Variants in POC1B observed in about 807,000 individuals in gnomAD.
POC1B encodes the protein POC1 centriolar protein B.
In POC1B, 44 loss-of-function variants were observed where a neutral mutation model predicts 60.6. The observed-to-expected ratio is 0.73, with a 90% CI of 0.57 to 0.93. POC1B has a LOEUF of 0.93. Among genes scored for constraint, POC1B ranks in the 40% least tolerant of loss-of-function variants. POC1B has a pLI of 0.00. For missense variants in POC1B, 555 were observed against 572.3 expected, an observed-to-expected ratio of 0.97 and a Z score of 0.31; for synonymous variants, 180 against 198.9, an observed-to-expected ratio of 0.90 and a Z score of 0.80.
intron 10 of POC1B, among the ~76,000 whole-genome samples, chr12:89,435,947 G>GTT (rs200200273): frequency 6.7e-6 from 1 of 148,198 alleles, no homozygotes; most frequent in Non-Finnish European, 1.5e-5. Flanking sequence ...TTTCTTGTTT[G>GTT]TTTGTTTTTT....
intron 4 of POC1B, among the ~76,000 whole-genome samples, chr12:89,491,636 A>C (rs1868976960): frequency 2.0e-5 from 3 of 149,074 alleles, no homozygotes; most frequent in African/African-American, 7.4e-5. Context: ...AAAAAAAAAA[A>C]AAGAAAAAAA....
chr12:89,476,904 C>T lies in POC1B; in HGVS notation c.453-4629G>A, dbSNP rs370524163. On this transcript the variant is annotated intron_variant, in intron 4 of 11. Transcript: ENST00000313546. The stretch of plus-strand genomic sequence containing the variant: ...ACAGGGCAGGCACTATTTCATGTCC[C>T]GTAAGACACAAATCATTAGTAAGAG... Among the ~76,000 whole-genome samples the T allele has an allele frequency of 6.2e-4, 94 of 152,254 alleles. No individual in the cohort carries two copies. The South Asian group carries it at 8.9e-3, about 14-fold the overall frequency.
chr12:89,497,459 G>T, intron 2 of POC1B, 117 bp from the exon 3 acceptor site: 1 of 1,033,750 alleles, frequency 9.7e-7, no homozygotes, highest in African/African-American at 1.6e-5. Context: ...GCGGCTGGAG[G>T]TTGTAAGGCT....
intron 9 of POC1B, among the ~76,000 whole-genome samples, chr12:89,462,620 C>T (rs575324302): frequency 7.2e-5 from 11 of 152,296 alleles, no homozygotes; most frequent in African/African-American, 2.6e-4. Context: ...GTCCAGCACA[C>T]AGATACTTTA....
chr12:89,475,686 T>G lies in POC1B; in HGVS notation c.453-3411A>C, dbSNP rs187832724. Among the ~76,000 whole-genome samples the G allele has an allele frequency of 5.3e-5, 8 of 152,264 alleles. No individual in the cohort carries two copies. The East Asian group carries it at 1.2e-3, about 22-fold the overall frequency. On this transcript the variant is annotated intron_variant, in intron 4 of 11. Coordinates refer to ENST00000313546, the MANE Select transcript of POC1B (RefSeq NM_172240.3). Reference sequence around the variant, plus strand: ...TTTAAAGAGGATATAAAATTTCTACTAAGACATTAATAGATTTCTGACTCT... The same window carrying G: ...TTTAAAGAGGATATAAAATTTCTACGAAGACATTAATAGATTTCTGACTCT...
intron 4 of POC1B, among the ~76,000 whole-genome samples, chr12:89,487,944 A>G (rs1427340955): frequency 1.6e-5 from 1 of 63,810 alleles, no homozygotes; most frequent in African/African-American, 6.1e-5. Flanking sequence ...ACTATTTAGT[A>G]TCATGTTTCC....
chr12:89,437,054 C>T (rs1223821037), intron 10 of POC1B, among the ~76,000 whole-genome samples: 1 of 152,180 alleles, frequency 6.6e-6, no homozygotes, highest in Non-Finnish European at 1.5e-5. Context: ...GTAAACAGAA[C>T]TTATTGACTC....
intron 8 of POC1B, 26 bp downstream of exon 8, chr12:89,467,591 A>G (rs1271878959): frequency 1.3e-6 from 2 of 1,583,108 alleles, no homozygotes; most frequent in South Asian, 1.1e-5. Flanking sequence ...TAACCAAATC[A>G]AAGAGGAGCT....
intron 9 of POC1B, among the ~76,000 whole-genome samples, chr12:89,465,694 A>T (rs771504695): frequency 6.6e-6 from 1 of 152,186 alleles, no homozygotes; most frequent in Non-Finnish European, 1.5e-5. Flanking sequence ...AAGTGGTAAC[A>T]TGATTAATAC....
At chr12:89,458,006 C>T (rs1882325625) in intron 10 of POC1B, among the ~76,000 whole-genome samples, 1 of 152,188 alleles carries the variant, frequency 6.6e-6, no homozygotes, top group Non-Finnish European at 1.5e-5. Flanking sequence ...ATGCCCACCT[C>T]AATAGCACTG....
Position 89,466,795 on chromosome 12 carries a change from T to C in POC1B, c.1007A>G (p.His336Arg), listed in dbSNP as rs764284170. Residue 336 changes from histidine (H) to arginine (R), a missense_variant, in exon 9 of 12, where the codon CAT becomes CGT. By Grantham distance (29) the His-to-Arg change is conservative. Transcript: ENST00000313546. The part of the protein sequence containing the change: ...LDIYPRTPHP[H>R]EEKVETVEIN... Reference sequence around the variant, plus strand: ...TTCTACAGTCTCAACTTTTTCCTCATGGGGATGTGGTGTTCTTGGGTAGAT... The same window carrying C: ...TTCTACAGTCTCAACTTTTTCCTCACGGGGATGTGGTGTTCTTGGGTAGAT... 2 of 1,612,378 alleles carry C rather than the reference T, an allele frequency of 1.2e-6. No homozygotes were observed. The highest frequency in any genetic ancestry group is 1.3e-5 in the African/African-American group (1 of 74,886).
intron 2 of POC1B, chr12:89,522,973 G>A (rs1871019309): frequency 6.2e-7 from 1 of 1,613,998 alleles, no homozygotes; most frequent in East Asian, 2.2e-5. Flanking sequence ...AATGTTTGCT[G>A]GTACAGGGAA....
At chr12:89,492,926 T>C (rs1869057022) in intron 3 of POC1B, among the ~76,000 whole-genome samples, 1 of 152,086 alleles carries the variant, frequency 6.6e-6, no homozygotes, top group South Asian at 2.1e-4. Context: ...GTCTCTCTGC[T>C]CTAATCTTTT....
chr12:89,484,838 G>T (rs1165848056), intron 4 of POC1B, among the ~76,000 whole-genome samples: 1 of 152,252 alleles, frequency 6.6e-6, no homozygotes. Context: ...TGGCTCAGGG[G>T]AAGGGTGACT....
intron 2 of POC1B, 92 bp downstream of exon 2, chr12:89,525,028 G>C: frequency 3.2e-6 from 5 of 1,558,560 alleles, no homozygotes; most frequent in Non-Finnish European, 4.4e-6. Context: ...GCCCTTAGCC[G>C]TTCTCCTAGG....
intron 10 of POC1B, among the ~76,000 whole-genome samples, chr12:89,430,777 C>G (rs1880996854): frequency 6.6e-6 from 1 of 152,132 alleles, no homozygotes. Flanking sequence ...ACTTTATCAT[C>G]TCAGGTGCTT....
chr12:89,456,291 G>A (rs1036292699), intron 10 of POC1B, among the ~76,000 whole-genome samples: 1 of 152,272 alleles, frequency 6.6e-6, no homozygotes, highest in East Asian at 1.9e-4. Flanking sequence ...AAAGTGCTAG[G>A]ATTACAGGTG....
At chr12:89,478,569 T>TA (rs1467609699) in intron 4 of POC1B, among the ~76,000 whole-genome samples, 16 of 148,902 alleles carry the variant, frequency 1.1e-4, no homozygotes, top group East Asian at 2.0e-4. Flanking sequence ...TTTAGGAAAT[T>TA]AAAAAAAAAA....
At chr12:89,487,551 T>C (rs1868706087) in intron 4 of POC1B, among the ~76,000 whole-genome samples, 1 of 152,198 alleles carries the variant, frequency 6.6e-6, no homozygotes, top group African/African-American at 2.4e-5. Flanking sequence ...TACCCTCAAG[T>C]TCCACAGAGG....
Sources: allele counts gnomAD v4.1 joint callset (sites outside exome capture counted in the v4.1 genomes callset), GRCh38; gene constraint gnomAD v4.1.1; transcripts MANE v1.5; gene names NCBI Gene and HGNC (gene_info 2026-07-23, HGNC 2026-07-21).